The following DEUP1 variants were observed in gnomAD, a reference collection of about 807,000 sequenced individuals.
DEUP1 encodes the protein deuterosome assembly protein 1.
In DEUP1, 82 loss-of-function variants were observed where a neutral mutation model predicts 87.4. That is an observed-to-expected ratio of 0.94 (90% CI 0.78 to 1.13). The LOEUF (loss-of-function observed/expected upper bound fraction) is 1.13, where lower values mean the gene tolerates loss of function less well. Ranked by LOEUF, DEUP1 falls within the 50% of genes most tolerant of loss-of-function variation. DEUP1 has a pLI of 0.00. For synonymous variants in DEUP1, 214 were observed against 222.7 expected, an observed-to-expected ratio of 0.96 and a Z score of 0.35; for missense variants, 663 against 681.5, an observed-to-expected ratio of 0.97 and a Z score of 0.30.
rs539737994 is a variant in DEUP1 at position 93,418,362 on chromosome 11, G to A, written c.1638+3248G>A. ...AAAAAACAAACAACCCCATCAAAAAGTGGGCGAAGGACATGAACAGACACT... is the reference window on the plus strand; with the variant it reads ...AAAAAACAAACAACCCCATCAAAAAATGGGCGAAGGACATGAACAGACACT... On this transcript the variant is annotated intron_variant, in intron 13 of 13. Coordinates refer to ENST00000298050, the MANE Select transcript of DEUP1 (RefSeq NM_181645.4). Among the ~76,000 whole-genome samples the A allele has an allele frequency of 4.6e-5, 7 of 152,078 alleles. No homozygotes were observed. In the East Asian group the frequency reaches 1.2e-3, roughly 25 times the overall value.
chr11:93,403,000 A>G (rs1405001173), intron 11 of DEUP1, among the ~76,000 whole-genome samples: 2 of 152,022 alleles, frequency 1.3e-5, no homozygotes, highest in East Asian at 3.8e-4. Context: ...TAGCCAAAAG[A>G]GAATAATTTT....
chr11:93,339,771 C>T (rs886886969), intron 2 of DEUP1, among the ~76,000 whole-genome samples: 1 of 152,102 alleles, frequency 6.6e-6, no homozygotes, highest in Non-Finnish European at 1.5e-5. Context: ...GCATCCCTAC[C>T]CGTCCCAGCC....
intron 11 of DEUP1, among the ~76,000 whole-genome samples, chr11:93,406,806 G>A (rs563428753): frequency 2.6e-5 from 4 of 151,774 alleles, no homozygotes; most frequent in African/African-American, 7.2e-5. Context: ...AATAAGCTAA[G>A]GATACAAATA....
chr11:93,389,490 G>A (rs1946702193), intron 9 of DEUP1, among the ~76,000 whole-genome samples: 1 of 152,082 alleles, frequency 6.6e-6, no homozygotes, highest in South Asian at 2.1e-4. Flanking sequence ...TTCTAAGGTG[G>A]AAATAATTGG....
intron 7 of DEUP1, among the ~76,000 whole-genome samples, chr11:93,374,292 A>G (rs3019204): frequency 0.45 from 68,426 of 152,002 alleles, 16,041 homozygotes; most frequent in Admixed American, 0.6. Context: ...ATTAGGTCCC[A>G]TCTATGTATC....
At chr11:93,403,187 G>C (rs1036438468) in intron 11 of DEUP1, among the ~76,000 whole-genome samples, 1 of 151,648 alleles carries the variant, frequency 6.6e-6, no homozygotes, top group Non-Finnish European at 1.5e-5. Context: ...ATTTGTATAT[G>C]GTTCTTTTTC....
At position 93,372,775 on chromosome 11, in the gene DEUP1, A is replaced by C. The variant is rs151336222; in HGVS notation, c.789+1495A>C. Among the ~76,000 whole-genome samples the C allele has an allele frequency of 1.8e-3, 271 of 152,326 alleles. 1 individual carries two copies. Among genetic ancestry groups the C allele is most frequent in the African/African-American group, 6.3e-3 (263 of 41,564 alleles). ...CAATAAAGAAAGCTAATCTACAAAC[A>C]CTAAATGCAGAGGAAGCCAGAAATA... On this transcript the variant is annotated intron_variant, in intron 7 of 13. Coordinates refer to ENST00000298050, the MANE Select transcript of DEUP1 (RefSeq NM_181645.4).
Position 93,364,174 on chromosome 11 carries a change from A to T in DEUP1, c.312A>T (p.Thr104=). ...QSLKAQFSKL[T]NNFEKLRLHQ... Reference sequence around the variant, plus strand: ...GTGATTTACAGTTTTCCAAACTAACAAATAACTTTGAAAAACTGAGATTAC... The same window carrying T: ...GTGATTTACAGTTTTCCAAACTAACTAATAACTTTGAAAAACTGAGATTAC... The change falls in exon 5 of 14, where the codon ACA becomes ACT. Residue 104 remains threonine, a synonymous_variant. Transcript: ENST00000298050. The T allele has an allele frequency of 6.3e-7, 1 of 1,589,468 alleles. No individual in the cohort carries two copies. The highest frequency in any genetic ancestry group is 8.6e-7 in the Non-Finnish European group (1 of 1,161,696).
intron 9 of DEUP1, among the ~76,000 whole-genome samples, chr11:93,391,053 G>C (rs547825585): frequency 6.8e-6 from 1 of 146,742 alleles, no homozygotes; most frequent in East Asian, 2.0e-4. Context: ...TGGCACTCCA[G>C]CCTGGGCGAC....
At chr11:93,437,305 A>G (rs758211849) in intron 13 of DEUP1, among the ~76,000 whole-genome samples, 10 of 152,256 alleles carry the variant, frequency 6.6e-5, no homozygotes, top group Non-Finnish European at 1.2e-4. Flanking sequence ...GTTGGACAAT[A>G]TAACACTCAT....
chr11:93,409,250 CCAA>C (rs1410565455), intron 12 of DEUP1, among the ~76,000 whole-genome samples: 1 of 152,116 alleles, frequency 6.6e-6, no homozygotes, highest in African/African-American at 2.4e-5. Context: ...GAGGTTTTCT[CCAA>C]ATGAAGAGAA....
intron 11 of DEUP1, among the ~76,000 whole-genome samples, chr11:93,402,067 A>G (rs1458612745): frequency 6.6e-6 from 1 of 151,994 alleles, no homozygotes; most frequent in Non-Finnish European, 1.5e-5. Context: ...AAGTGAAAAG[A>G]TGACCCACAG....
intron 13 of DEUP1, among the ~76,000 whole-genome samples, chr11:93,415,719 G>A (rs979523653): frequency 6.6e-6 from 1 of 151,734 alleles, no homozygotes; most frequent in African/African-American, 2.4e-5. Flanking sequence ...TTATATAAAT[G>A]ATATCATATG....
intron 9 of DEUP1, among the ~76,000 whole-genome samples, chr11:93,391,817 T>C (rs762735217): frequency 1.3e-5 from 2 of 152,166 alleles, no homozygotes; most frequent in Non-Finnish European, 2.9e-5. Flanking sequence ...CTGACCGTGT[T>C]ATTTCATCAA....
chr11:93,433,328 C>A (rs1948154792), intron 13 of DEUP1, among the ~76,000 whole-genome samples: 1 of 152,084 alleles, frequency 6.6e-6, no homozygotes, highest in Non-Finnish European at 1.5e-5. Flanking sequence ...CCAGTCTGGG[C>A]AACATAATGA....
At chr11:93,346,505 G>A (rs1054238886) in intron 2 of DEUP1, among the ~76,000 whole-genome samples, 6 of 152,194 alleles carry the variant, frequency 3.9e-5, no homozygotes, top group African/African-American at 1.2e-4. Context: ...GGGATTACAG[G>A]TGTGAGCCAC....
chr11:93,373,682 C>T (rs1349878482), intron 7 of DEUP1, among the ~76,000 whole-genome samples: 1 of 147,260 alleles, frequency 6.8e-6, no homozygotes, highest in Admixed American at 6.8e-5. Context: ...TCTTTATCCA[C>T]TCATTGATTG....
intron 2 of DEUP1, chr11:93,352,210 G>A: frequency 1.7e-6 from 1 of 580,154 alleles, no homozygotes; most frequent in Non-Finnish European, 3.1e-6. Flanking sequence ...CCTCCTCCCA[G>A]CCACACAAAT....
intron 13 of DEUP1, among the ~76,000 whole-genome samples, chr11:93,432,696 G>T (rs773901332): frequency 1.3e-5 from 2 of 152,168 alleles, no homozygotes; most frequent in Non-Finnish European, 2.9e-5. Flanking sequence ...TTGCTGAATG[G>T]TTATGAGATG....
Sources: gnomAD v4.1 joint callset for allele counts (sites outside exome capture counted in the v4.1 genomes callset) on GRCh38, gnomAD v4.1.1 for gene constraint, MANE v1.5 for transcripts, NCBI Gene and HGNC (gene_info 2026-07-23, HGNC 2026-07-21) for gene names.